The following LRRC75B variants were observed in gnomAD, a reference collection of about 807,000 sequenced individuals.
LRRC75B encodes leucine-rich repeat-containing protein 75B.
In LRRC75B, 20 loss-of-function variants were observed where a neutral mutation model predicts 16.5. The ratio of observed to expected loss-of-function variants is 1.21; its 90% confidence interval spans 0.85 to 1.76. The LOEUF (loss-of-function observed/expected upper bound fraction) is 1.76, where lower values mean the gene tolerates loss of function less well. Ranked by LOEUF, LRRC75B falls within the 40% of genes most tolerant of loss-of-function variation. The pLI is 0.00. For missense variants in LRRC75B, 406 were observed against 417.0 expected (o/e 0.97, Z 0.23); for synonymous variants, 199 against 198.1 (o/e 1.00, Z -0.04).
At chr22:24,589,622 C>T in intron 2 of LRRC75B, 199 bp downstream of exon 2, 1 of 647,592 alleles carries the variant, frequency 1.5e-6, no homozygotes, top group Non-Finnish European at 2.5e-6. Context: ...TCCTGCAAAG[C>T]ACAGCTCACA....
chr22:24,586,437 G>A, intron 3 of LRRC75B, 26 bp from the exon 4 acceptor site: 1 of 1,588,800 alleles, frequency 6.3e-7, no homozygotes, highest in South Asian at 1.1e-5. Context: ...AGGTGGGGAT[G>A]GACTAGGCAA....
rs116076930 is a variant in LRRC75B at position 24,589,470 on chromosome 22, G to T, written c.306+351C>A. On this transcript the variant is annotated intron_variant, in intron 2 of 3. Transcript: ENST00000318753. Reference sequence around the variant, plus strand: ...ATTCAGAGGCTAGGAGTTTGTTTCCGTTGGTGGATTTCTCAGAACAGTCTG... The same window carrying T: ...ATTCAGAGGCTAGGAGTTTGTTTCCTTTGGTGGATTTCTCAGAACAGTCTG... 2.9e-5 allele frequency: 20 copies of T among 695,860 alleles called. No homozygotes were observed. The African/African-American group carries it at 3.1e-4, about 11-fold the overall frequency. 43.1% of individuals were successfully genotyped at this position (695,860 alleles called of 1,614,324 possible).
rs1257292056 is a variant in LRRC75B, at chr22:24,586,415, T to C, written c.423-4A>G. The stretch of plus-strand genomic sequence containing the variant: ...CTTCTGGAGGCTGCTCTTGAGGCTA[T>C]GGGAGAGTGGCAGGTGGGGATGGAC... On this transcript the variant is annotated splice_polypyrimidine_tract_variant and splice_region_variant and intron_variant, in intron 3 of 3. Coordinates refer to ENST00000318753, the MANE Select transcript of LRRC75B (RefSeq NM_207644.3). The C allele has an allele frequency of 1.2e-6, 2 of 1,605,136 alleles. No individual in the cohort carries two copies. Among genetic ancestry groups the C allele is most frequent in the African/African-American group, 1.3e-5 (1 of 74,838 alleles).
At chr22:24,588,397 G>C in intron 2 of LRRC75B, 68 bp from the exon 3 acceptor site, 1 of 1,255,222 alleles carries the variant, frequency 8.0e-7, no homozygotes, top group Non-Finnish European at 1.2e-6. Context: ...CTTGGGGAGA[G>C]GGACCCAGGC....
intron 1 of LRRC75B, chr22:24,592,432 G>C (rs1039015155): frequency 6.4e-6 from 3 of 470,356 alleles, no homozygotes; most frequent in African/African-American, 6.0e-5. Context: ...TCCTGGAGGA[G>C]GGGGAAGTTA....
At chr22:24,588,518 A>C in intron 2 of LRRC75B, 189 bp from the exon 3 acceptor site, 2 of 751,916 alleles carry the variant, frequency 2.7e-6, no homozygotes, top group Non-Finnish European at 4.2e-6. Flanking sequence ...GAGCCAGGGG[A>C]GGCTGCCCTC....
At chr22:24,589,384 G>A (rs1349060816) in intron 2 of LRRC75B, 2 of 1,107,128 alleles carry the variant, frequency 1.8e-6, no homozygotes, top group African/African-American at 3.4e-5. Context: ...TGTCTGTACA[G>A]GATGGAGACC....
rs1474201520 is a variant in LRRC75B at position 24,592,878 on chromosome 22, C to T, written c.162G>A (p.Leu54=). Residue 54 remains leucine, a synonymous_variant, in exon 1 of 4, where the codon CTG becomes CTA. Coordinates refer to ENST00000318753, the MANE Select transcript of LRRC75B (RefSeq NM_207644.3). ...ERRPERARQL[L]RLLRQDLGLE... ...CTTCTCTCGCCTGGCGCAGGAGGCGCAGCAGCTGCCGGGCGCGCTCCGGCC... is the reference window on the plus strand; with the variant it reads ...CTTCTCTCGCCTGGCGCAGGAGGCGTAGCAGCTGCCGGGCGCGCTCCGGCC... The T allele has an allele frequency of 6.2e-6, 8 of 1,283,206 alleles. No homozygotes were observed. Among genetic ancestry groups the T allele is most frequent in the Non-Finnish European group, 4.9e-6 (5 of 1,015,086 alleles). The allele number at this position is 1,283,206 out of a possible 1,614,324, so 79.5% of individuals were successfully genotyped here.
At position 24,589,771 on chromosome 22, in the gene LRRC75B, C is replaced by T. The variant is rs746902161; in HGVS notation, c.306+50G>A. ...TCCCCAGCCCTGGGCTCTGTTGGCC[C>T]CCCTGTCCACCACAGTGCCCAGCCC... is the stretch of plus-strand genomic sequence containing the variant. On this transcript the variant is annotated intron_variant, in intron 2 of 3. Transcript: ENST00000318753. The T allele has an allele frequency of 1.9e-5, 28 of 1,472,192 alleles. 1 individual carries two copies. Among genetic ancestry groups the T allele is most frequent in the Admixed American group, 1.6e-4 (6 of 38,530 alleles). The allele number at this position is 1,472,192 out of a possible 1,614,324, so 91.2% of individuals were successfully genotyped here. A position where few individuals can be genotyped will look rare whatever the true frequency, so the allele number is the denominator to read the frequency against.
Position 24,589,901 on chromosome 22 carries a change from C to A in LRRC75B, c.226G>T (p.Val76Leu), listed in dbSNP as rs768571677. 1 of 1,613,336 alleles carries A rather than the reference C, an allele frequency of 6.2e-7. No homozygotes were observed. The highest frequency in any genetic ancestry group is 1.1e-5 in the South Asian group (1 of 90,880). ...GGGTCGACCGGGTTGAGGAAGGCCACATCTCTGTAGAGGATATCAGGAAGG... is the reference window on the plus strand; with the variant it reads ...GGGTCGACCGGGTTGAGGAAGGCCAAATCTCTGTAGAGGATATCAGGAAGG... The part of the protein sequence containing the change: ...TLLPDILYRD[V>L]AFLNPVDPIS... The change falls in exon 2 of 4, where the codon GTG becomes TTG. Residue 76 changes from valine to leucine, a missense_variant. Val to Leu is a conservative substitution (Grantham distance 32). Transcript: ENST00000318753.
chr22:24,588,777 T>G, intron 2 of LRRC75B: 1 of 1,023,138 alleles, frequency 9.8e-7, no homozygotes, highest in South Asian at 4.0e-5. Context: ...GTGTTCTTCT[T>G]CCTCTCACTC....
Position 24,586,071 on chromosome 22 carries a change from G to T in LRRC75B, c.763C>A (p.Leu255Met). The T allele has an allele frequency of 6.2e-7, 1 of 1,612,216 alleles. No homozygotes were observed. The highest frequency in any genetic ancestry group is 8.5e-7 in the Non-Finnish European group (1 of 1,179,958). ...AGGCCGACCAGCAGGGGCTGGGGCA[G>T]GGAAGCCACATCCACGTTGTTGCCC... is the stretch of plus-strand genomic sequence containing the variant. ...DLGNNVDVAS[L>M]PQPLLVGLRR... Residue 255 changes from leucine (L) to methionine (M), a missense_variant, in exon 4 of 4, where the codon CTG becomes ATG. Physicochemically the swap from Leu to Met is conservative, Grantham distance 15. Transcript: ENST00000318753.
At chr22:24,588,775 C>T (rs922782059) in intron 2 of LRRC75B, 42 of 1,025,892 alleles carry the variant, frequency 4.1e-5, no homozygotes, top group Non-Finnish European at 4.8e-5. Context: ...GCGTGTTCTT[C>T]TTCCTCTCAC....
intron 3 of LRRC75B, 55 bp downstream of exon 3, chr22:24,588,159 T>G (rs916081555): frequency 2.9e-6 from 4 of 1,401,052 alleles, no homozygotes; most frequent in Non-Finnish European, 4.0e-6. Context: ...GGTGTCAACC[T>G]GAGAAGGGAC....
chr22:24,589,946 G>A lies in LRRC75B; in HGVS notation c.181C>T (p.Leu61=). 6.3e-7 allele frequency: 1 copy of A among 1,594,094 alleles called. No individual in the cohort carries two copies. The highest frequency in any genetic ancestry group is 2.3e-5 in the East Asian group (1 of 44,158). ...RQLLRLLRQD[L]GLERTLLPDI... ...GGAAGGAGGGTCCTCTCAAGGCCCA[G>A]GTCCTGTGAGTGGTGAAGAGAGAGT... The change falls in exon 2 of 4, where the codon CTG becomes TTG. Residue 61 remains leucine (L), a synonymous_variant. Transcript: ENST00000318753.
At chr22:24,590,493 G>C (rs2045537069) in intron 1 of LRRC75B, among the ~76,000 whole-genome samples, 1 of 152,102 alleles carries the variant, frequency 6.6e-6, no homozygotes, top group Non-Finnish European at 1.5e-5. Flanking sequence ...AGAACCCTTA[G>C]ACCAGTTCCC....
At chr22:24,589,715 C>T in intron 2 of LRRC75B, 106 bp downstream of exon 2, 1 of 1,326,184 alleles carries the variant, frequency 7.5e-7, no homozygotes, top group Non-Finnish European at 1.0e-6. Context: ...TAAGGCCACA[C>T]AGCAAGCCGC....
chr22:24,592,737 A>T (rs1437099065), intron 1 of LRRC75B, 126 bp downstream of exon 1: 1 of 1,295,606 alleles, frequency 7.7e-7, no homozygotes, highest in Non-Finnish European at 9.9e-7. Flanking sequence ...CGCGCGCCAG[A>T]GACCAGCTCC....
chr22:24,588,148 A>G, intron 3 of LRRC75B, 66 bp downstream of exon 3: 1 of 1,226,108 alleles, frequency 8.2e-7, no homozygotes. Flanking sequence ...GTGAGAGTGC[A>G]GGTGTCAACC....
Sources: allele counts gnomAD v4.1 joint callset (sites outside exome capture counted in the v4.1 genomes callset), GRCh38; gene constraint gnomAD v4.1.1; transcripts MANE v1.5; gene names NCBI Gene and HGNC (gene_info 2026-07-23, HGNC 2026-07-21).